The following CCDC15 variants were observed in gnomAD, a reference collection of about 807,000 sequenced individuals.
The protein encoded by CCDC15 is coiled-coil domain-containing protein 15.
Under a neutral mutation model 114.5 loss-of-function variants are expected in CCDC15, and 105 were observed. That is an observed-to-expected ratio of 0.92 (90% CI 0.78 to 1.08). CCDC15 has a LOEUF of 1.08. CCDC15 is among the 50% of genes least tolerant of loss of function. The pLI is 0.00. For synonymous variants in CCDC15, 334 were observed against 377.8 expected, an observed-to-expected ratio of 0.88 and a Z score of 1.34; for missense variants, 1,105 against 1,093.6, an observed-to-expected ratio of 1.01 and a Z score of -0.15.
At chr11:124,996,759 A>T (rs914938257) in intron 11 of CCDC15, among the ~76,000 whole-genome samples, 5 of 152,138 alleles carry the variant, frequency 3.3e-5, no homozygotes, top group Non-Finnish European at 7.4e-5. Flanking sequence ...GTATTCATGA[A>T]TTTGATTACT....
At chr11:124,960,030 G>C in intron 4 of CCDC15, 27 bp downstream of exon 4, 1 of 1,500,602 alleles carries the variant, frequency 6.7e-7, no homozygotes, top group Non-Finnish European at 8.9e-7. Context: ...TTTATTTTAT[G>C]TCTATGATAT....
intron 6 of CCDC15, among the ~76,000 whole-genome samples, chr11:124,984,447 G>C (rs930370888): frequency 6.6e-6 from 1 of 152,106 alleles, no homozygotes; most frequent in Non-Finnish European, 1.5e-5. Context: ...CCTGTCTCAC[G>C]GGCAAGATCG....
At chr11:124,981,144 GT>G (rs1219701814) in intron 6 of CCDC15, among the ~76,000 whole-genome samples, 3 of 151,890 alleles carry the variant, frequency 2.0e-5, no homozygotes, top group African/African-American at 7.3e-5. Flanking sequence ...TTTGATTTTT[GT>G]TTTTTTGTGT....
At chr11:125,010,874 A>T (rs1432438100) in intron 13 of CCDC15, among the ~76,000 whole-genome samples, 1 of 152,170 alleles carries the variant, frequency 6.6e-6, no homozygotes, top group Non-Finnish European at 1.5e-5. Flanking sequence ...GCCAAAGCTG[A>T]TGTCCAGAGT....
At chr11:125,021,764 A>G (rs1219647758) in intron 13 of CCDC15, among the ~76,000 whole-genome samples, 1 of 151,872 alleles carries the variant, frequency 6.6e-6, no homozygotes, top group Non-Finnish European at 1.5e-5. Context: ...ACCAAGACCT[A>G]TGACACTTGA....
chr11:124,958,453 A>G (rs1469833777), intron 2 of CCDC15, among the ~76,000 whole-genome samples: 2 of 152,030 alleles, frequency 1.3e-5, no homozygotes, highest in Non-Finnish European at 2.9e-5. Flanking sequence ...AAAATATTGG[A>G]CACCCCTGGT....
chr11:124,985,403 A>G (rs1466313855), intron 6 of CCDC15, among the ~76,000 whole-genome samples: 3 of 152,188 alleles, frequency 2.0e-5, no homozygotes, highest in South Asian at 2.1e-4. Flanking sequence ...TAGTAATTCT[A>G]TGTTTAACAT....
intron 4 of CCDC15, among the ~76,000 whole-genome samples, chr11:124,961,992 A>C (rs1947669096): frequency 6.6e-6 from 1 of 152,028 alleles, no homozygotes; most frequent in African/African-American, 2.4e-5. Context: ...GTTATGAAAA[A>C]CCTTAAATGT....
chr11:125,032,184 G>A (rs1435192738), intron 13 of CCDC15, among the ~76,000 whole-genome samples: 1 of 152,234 alleles, frequency 6.6e-6, no homozygotes. Flanking sequence ...ATATCTTGCG[G>A]AAGTGGAAAG....
chr11:124,993,106 A>G (rs1948297968), intron 10 of CCDC15, 63 bp from the exon 11 acceptor site: 7 of 993,180 alleles, frequency 7.0e-6, no homozygotes, highest in Non-Finnish European at 1.1e-5. Context: ...GAAGTCTATA[A>G]TACTGTCACT....
intron 2 of CCDC15, among the ~76,000 whole-genome samples, chr11:124,957,499 A>G (rs1947572390): frequency 6.6e-6 from 1 of 152,210 alleles, no homozygotes; most frequent in Non-Finnish European, 1.5e-5. Context: ...TTCCTTCAGA[A>G]TGAGCACTCT....
chr11:125,017,511 GCTT>G (rs1174739439), intron 13 of CCDC15, among the ~76,000 whole-genome samples: 2 of 152,204 alleles, frequency 1.3e-5, no homozygotes, highest in South Asian at 4.1e-4. Context: ...AACCTACTGT[GCTT>G]CCAGTTGTGT....
At chr11:124,954,952 C>T in intron 2 of CCDC15, 43 bp downstream of exon 2, 1 of 1,538,764 alleles carries the variant, frequency 6.5e-7, no homozygotes, top group Non-Finnish European at 9.0e-7. Flanking sequence ...TTCCCCACCA[C>T]CCTTTTTATT....
At chr11:124,956,898 C>T (rs1260937131) in intron 2 of CCDC15, among the ~76,000 whole-genome samples, 1 of 152,112 alleles carries the variant, frequency 6.6e-6, no homozygotes, top group Non-Finnish European at 1.5e-5. Flanking sequence ...CATGTCTGTT[C>T]TAAAGGGGAA....
At chr11:124,962,015 T>A (rs983216859) in intron 4 of CCDC15, among the ~76,000 whole-genome samples, 2 of 152,172 alleles carry the variant, frequency 1.3e-5, no homozygotes, top group South Asian at 2.1e-4. Flanking sequence ...CAAGATTTTT[T>A]AAAGTTTTTA....
chr11:124,969,495 A>G (rs1170367942), intron 4 of CCDC15, among the ~76,000 whole-genome samples: 1 of 152,096 alleles, frequency 6.6e-6, no homozygotes, highest in Non-Finnish European at 1.5e-5. Context: ...ATCTGTCCCT[A>G]TTCAGTTTGC....
chr11:125,005,093 A>T lies in CCDC15; in HGVS notation c.2308-16A>T. On this transcript the variant is annotated splice_polypyrimidine_tract_variant and intron_variant, in intron 12 of 15. Transcript: ENST00000344762. ...CTGAAAGCAGAATCTTAGTAATTTTAACTTCTTACCTTTAGCGTCAAAAGC... is the reference window on the plus strand; with the variant it reads ...CTGAAAGCAGAATCTTAGTAATTTTTACTTCTTACCTTTAGCGTCAAAAGC... 8.2e-7 allele frequency: 1 copy of T among 1,215,874 alleles called. No individual in the cohort carries two copies. Among genetic ancestry groups the T allele is most frequent in the Non-Finnish European group, 1.1e-6 (1 of 870,658 alleles). 75.3% of individuals were successfully genotyped at this position (1,215,874 alleles called of 1,614,324 possible).
chr11:125,038,560 A>G lies in CCDC15; in HGVS notation c.2541A>G (p.Ile847Met), dbSNP rs1288894195. The G allele has an allele frequency of 1.9e-6, 3 of 1,578,882 alleles. No individual in the cohort carries two copies. The highest frequency in any genetic ancestry group is 2.6e-6 in the Non-Finnish European group (3 of 1,164,632). The change falls in exon 14 of 16, where the codon ATA becomes ATG. Residue 847 changes from isoleucine (I) to methionine (M), a missense_variant. Coordinates refer to ENST00000344762, the MANE Select transcript of CCDC15 (RefSeq NM_025004.3). ...TAGCCCAGTTACAACTTCAAGAAAT[A>G]AAAGGAACCAGAGAAAAACAACAGA... ...EILAQLQLQE[I>M]KGTREKQQRE...
At chr11:124,972,385 T>C (rs1302197928) in intron 4 of CCDC15, among the ~76,000 whole-genome samples, 1 of 152,164 alleles carries the variant, frequency 6.6e-6, no homozygotes, top group Admixed American at 6.5e-5. Context: ...TGTATATATA[T>C]ACCACAGACA....
Sources: gnomAD v4.1 joint callset for allele counts (sites outside exome capture counted in the v4.1 genomes callset) on GRCh38, gnomAD v4.1.1 for gene constraint, MANE v1.5 for transcripts, NCBI Gene and HGNC (gene_info 2026-07-23, HGNC 2026-07-21) for gene names.